PHAF1: variants seen among roughly 807,000 people sequenced by gnomAD.
The protein encoded by PHAF1 is phagosome assembly factor 1.
A neutral mutation model predicts 63.1 loss-of-function variants in PHAF1; 23 were observed. That is an observed-to-expected ratio of 0.36 (90% CI 0.26 to 0.52). The LOEUF (loss-of-function observed/expected upper bound fraction) is 0.52, where lower values mean the gene tolerates loss of function less well. Among genes scored for constraint, PHAF1 ranks in the 20% least tolerant of loss-of-function variants. The pLI is 0.93. For synonymous variants in PHAF1, 167 were observed against 185.0 expected (o/e 0.90, Z 0.79); for missense variants, 427 against 517.2 (o/e 0.83, Z 1.69).
At chr16:67,131,638 T>C (rs1963405083) in intron 4 of PHAF1, among the ~76,000 whole-genome samples, 1 of 152,226 alleles carries the variant, frequency 6.6e-6, no homozygotes, top group Non-Finnish European at 1.5e-5. Context: ...GCTGACAGCC[T>C]CTCTTGGCAC....
chr16:67,124,739 T>TA (rs1296758221), intron 2 of PHAF1, among the ~76,000 whole-genome samples: 1 of 151,870 alleles, frequency 6.6e-6, no homozygotes, highest in Non-Finnish European at 1.5e-5. Flanking sequence ...CCATCTGTAC[T>TA]AAAAATACAA....
chr16:67,112,245 T>C (rs1962545677), intron 1 of PHAF1, among the ~76,000 whole-genome samples: 1 of 151,680 alleles, frequency 6.6e-6, no homozygotes, highest in African/African-American at 2.4e-5. Flanking sequence ...AGTCCCTTGG[T>C]CAAAAGCAGT....
At chr16:67,113,117 A>T (rs905607662) in intron 1 of PHAF1, among the ~76,000 whole-genome samples, 1 of 152,208 alleles carries the variant, frequency 6.6e-6, no homozygotes, top group Non-Finnish European at 1.5e-5. Context: ...GAGAGATGAT[A>T]AACAAAAGTC....
rs112401300 is a variant in PHAF1 at position 67,128,690 on chromosome 16, C to G, written c.232-2596C>G. ...GAGATGGAAAATCATGGGCTTTAGC[C>G]TTCCCAGCTGCTTGTCCCTGTAGTG... On this transcript the variant is annotated intron_variant, in intron 3 of 15. Coordinates refer to ENST00000219139, the MANE Select transcript of PHAF1 (RefSeq NM_025187.5). Among the ~76,000 whole-genome samples the G allele has an allele frequency of 6.3e-3, 962 of 152,316 alleles. 6 individuals are homozygous for G. Among genetic ancestry groups the G allele is most frequent in the South Asian group, 0.013 (61 of 4,830 alleles).
intron 1 of PHAF1, among the ~76,000 whole-genome samples, chr16:67,116,608 A>C (rs1462977878): frequency 6.6e-6 from 1 of 152,176 alleles, no homozygotes; most frequent in Non-Finnish European, 1.5e-5. Flanking sequence ...CTAGCACTTT[A>C]GAAAGCGGAG....
chr16:67,117,199 A>ATTTTTTTTTT (rs750308105), intron 1 of PHAF1, among the ~76,000 whole-genome samples: 193 of 111,928 alleles, frequency 1.7e-3, no homozygotes, highest in African/African-American at 2.2e-3. Flanking sequence ...TGCCCAGCTA[A>ATTTTTTTTTT]TTTTTTTTTT....
intron 9 of PHAF1, 75 bp downstream of exon 9, chr16:67,140,192 T>C: frequency 6.7e-7 from 1 of 1,502,246 alleles, no homozygotes; most frequent in South Asian, 1.2e-5. Context: ...AACTGTTTGC[T>C]ATTTTCCCAT....
At chr16:67,123,795 A>G (rs1432255200) in intron 2 of PHAF1, among the ~76,000 whole-genome samples, 2 of 152,244 alleles carry the variant, frequency 1.3e-5, no homozygotes, top group East Asian at 3.9e-4. Context: ...AATGCAGAAA[A>G]CATTTTGTCT....
chr16:67,142,586 G>T (rs1485291246), intron 10 of PHAF1, among the ~76,000 whole-genome samples: 3 of 152,174 alleles, frequency 2.0e-5, no homozygotes, highest in Admixed American at 6.5e-5. Context: ...GACAGCGCCT[G>T]GGCTCAGCCA....
chr16:67,133,939 C>T (rs1963512489), intron 6 of PHAF1, among the ~76,000 whole-genome samples: 3 of 150,320 alleles, frequency 2.0e-5, no homozygotes, highest in South Asian at 2.1e-4. Context: ...AGTGAGACTC[C>T]GTCTCAAAAA....
chr16:67,119,263 G>A (rs1465209039), intron 1 of PHAF1, among the ~76,000 whole-genome samples: 4 of 152,102 alleles, frequency 2.6e-5, no homozygotes, highest in Non-Finnish European at 5.9e-5. Context: ...TTCTTGCTTG[G>A]TTCTTTGATT....
intron 5 of PHAF1, 41 bp downstream of exon 5, chr16:67,132,566 G>T: frequency 6.3e-7 from 1 of 1,585,982 alleles, no homozygotes; most frequent in South Asian, 1.1e-5. Context: ...ATCAGTGGCA[G>T]TTCATAGCAA....
At chr16:67,137,152 C>T (rs1243524325) in intron 8 of PHAF1, among the ~76,000 whole-genome samples, 3 of 148,558 alleles carry the variant, frequency 2.0e-5, no homozygotes, top group Admixed American at 6.7e-5. Flanking sequence ...AAGACTCCTT[C>T]TCAAAAAAAA....
intron 6 of PHAF1, among the ~76,000 whole-genome samples, chr16:67,133,712 G>A (rs1294387131): frequency 1.3e-5 from 2 of 151,478 alleles, no homozygotes; most frequent in Admixed American, 6.6e-5. Context: ...CCCGGGAGGC[G>A]GAGCTTGCAG....
chr16:67,148,255 T>A lies in PHAF1; in HGVS notation c.*1124T>A, dbSNP rs1347656330. On this transcript the variant is annotated 3_prime_UTR_variant, in exon 16 of 16. Coordinates refer to ENST00000219139, the MANE Select transcript of PHAF1 (RefSeq NM_025187.5). ...AGCCTCATCCTGTATAGTTTAATGA[T>A]GAATGTGCAGGGGACCTGTCTCAGG... 1 of 152,678 alleles carries A rather than the reference T, an allele frequency of 6.5e-6. No individual in the cohort carries two copies. The highest frequency in any genetic ancestry group is 1.5e-5 in the Non-Finnish European group (1 of 68,046). The allele number at this position is 152,678 out of a possible 1,614,324, so 9.5% of individuals were successfully genotyped here. A position where few individuals can be genotyped will look rare whatever the true frequency, so the allele number is the denominator to read the frequency against.
rs574370405 is a variant in PHAF1 at position 67,140,567 on chromosome 16, C to T, written c.852C>T (p.Tyr284=). Residue 284 remains tyrosine (Y), a synonymous_variant, in exon 10 of 16, where the codon TAC becomes TAT. Transcript: ENST00000219139. The part of the protein sequence containing the change: ...HKQVPSKCND[Y]FFNYFTLGVD... ...AAGTTCCATCGAAGTGTAATGACTACTTTTTTAACTACTTCACTCTTGGAG... is the reference window on the plus strand; with the variant it reads ...AAGTTCCATCGAAGTGTAATGACTATTTTTTTAACTACTTCACTCTTGGAG... The T allele has an allele frequency of 9.4e-6, 15 of 1,598,900 alleles. No homozygotes were observed. The highest frequency in any genetic ancestry group is 8.3e-5 in the Admixed American group (5 of 60,000).
At chr16:67,139,791 C>A in intron 8 of PHAF1, 193 bp from the exon 9 acceptor site, 1 of 598,060 alleles carries the variant, frequency 1.7e-6, no homozygotes, top group South Asian at 2.2e-5. Context: ...TGAATAAGTC[C>A]CTGGCATTAT....
chr16:67,122,187 A>C (rs1277817366), intron 2 of PHAF1, among the ~76,000 whole-genome samples: 1 of 152,222 alleles, frequency 6.6e-6, no homozygotes, highest in East Asian at 1.9e-4. Context: ...GGCGTGAGCC[A>C]CCGTGACCGG....
intron 9 of PHAF1, 36 bp downstream of exon 9, chr16:67,140,153 TA>T: frequency 6.3e-7 from 1 of 1,596,186 alleles, no homozygotes; most frequent in African/African-American, 1.3e-5. Flanking sequence ...TCCTTTTTTT[TA>T]ATCAACACTA....
Sources: gnomAD v4.1 joint callset for allele counts (sites outside exome capture counted in the v4.1 genomes callset) on GRCh38, gnomAD v4.1.1 for gene constraint, MANE v1.5 for transcripts, NCBI Gene and HGNC (gene_info 2026-07-23, HGNC 2026-07-21) for gene names.